Variants in GSE1 observed in about 807,000 individuals in gnomAD.
GSE1 encodes the protein genetic suppressor element 1.
Under a neutral mutation model 112.6 loss-of-function variants are expected in GSE1, and 32 were observed. The observed-to-expected ratio is 0.28, with a 90% CI of 0.21 to 0.38. The LOEUF (loss-of-function observed/expected upper bound fraction) is 0.38. Among genes scored for constraint, GSE1 ranks in the 10% least tolerant of loss-of-function variants. The probability of loss-of-function intolerance (pLI) is 1.00; values close to 1 mark genes in which losing one functional copy is unlikely to be tolerated. For missense variants in GSE1, 2,348 were observed against 1,699.2 expected, an observed-to-expected ratio of 1.38 and a Z score of -6.71; for synonymous variants, 1,115 against 735.6, an observed-to-expected ratio of 1.52 and a Z score of -8.35.
intron 2 of GSE1, among the ~76,000 whole-genome samples, chr16:85,363,592 G>A (rs2047127264): frequency 6.6e-6 from 1 of 152,218 alleles, no homozygotes; most frequent in Admixed American, 6.5e-5. Context: ...CACAGCAGAG[G>A]AAGGAGGGAG....
chr16:85,501,511 CCT>C (rs1273018274), intron 2 of GSE1, among the ~76,000 whole-genome samples: 1 of 151,904 alleles, frequency 6.6e-6, no homozygotes. Context: ...CCCGCCTCAG[CCT>C]CCTAAATAGC....
intron 1 of GSE1, among the ~76,000 whole-genome samples, chr16:85,567,838 T>C (rs1002372912): frequency 6.6e-6 from 1 of 152,258 alleles, no homozygotes; most frequent in Non-Finnish European, 1.5e-5. Flanking sequence ...TCCTCCTGCC[T>C]CAGCCTCCCA....
intron 1 of GSE1, among the ~76,000 whole-genome samples, chr16:85,589,186 G>T (rs570939936): frequency 6.6e-6 from 1 of 152,314 alleles, no homozygotes; most frequent in East Asian, 1.9e-4. Flanking sequence ...TGAAAGGAAC[G>T]TTGGTGACCA....
chr16:85,601,167 G>C (rs1598338105), intron 1 of GSE1, among the ~76,000 whole-genome samples: 1 of 152,068 alleles, frequency 6.6e-6, no homozygotes, highest in Non-Finnish European at 1.5e-5. Flanking sequence ...CGAGTCTAGA[G>C]AGACTGTGAG....
intron 1 of GSE1, among the ~76,000 whole-genome samples, chr16:85,342,315 C>A (rs1411825083): frequency 6.6e-6 from 1 of 152,350 alleles, no homozygotes; most frequent in East Asian, 1.9e-4. Flanking sequence ...GAAGAATTTC[C>A]CTGTAGCTGA....
chr16:85,643,668 T>C (rs955957105), intron 2 of GSE1, among the ~76,000 whole-genome samples: 3 of 152,170 alleles, frequency 2.0e-5, no homozygotes, highest in Non-Finnish European at 2.9e-5. Flanking sequence ...CATCCCCTTA[T>C]GGCATGGGCT....
intron 1 of GSE1, among the ~76,000 whole-genome samples, chr16:85,309,599 C>T (rs142195403): frequency 2.4e-4 from 36 of 152,244 alleles, no homozygotes; most frequent in African/African-American, 8.2e-4. Context: ...CCTCGAGGCA[C>T]GTGGCCCACC....
intron 1 of GSE1, among the ~76,000 whole-genome samples, chr16:85,321,621 G>A (rs1404182810): frequency 6.6e-6 from 1 of 151,882 alleles, no homozygotes; most frequent in East Asian, 1.9e-4. Context: ...GGGTGACAGA[G>A]CAAGAGCCAG....
At chr16:85,256,774 T>C (rs1907130345) in intron 1 of GSE1, among the ~76,000 whole-genome samples, 1 of 152,238 alleles carries the variant, frequency 6.6e-6, no homozygotes, top group Non-Finnish European at 1.5e-5. Context: ...CAGGACACAC[T>C]TGTGGTAAAT....
At position 85,257,681 on chromosome 16, in the gene GSE1, C is replaced by T. The variant is rs182217459; in HGVS notation, c.2283+85874C>T. ...TAAAAATTGGCAGGACGTGGTGGTGCGCACCTGTGGTCCCAGCTACTGGTG... is the reference window on the plus strand; with the variant it reads ...TAAAAATTGGCAGGACGTGGTGGTGTGCACCTGTGGTCCCAGCTACTGGTG... On this transcript the variant is annotated intron_variant, in intron 1 of 2. Transcript: ENST00000637419. Among the ~76,000 whole-genome samples the T allele has an allele frequency of 3.2e-3, 487 of 152,268 alleles. 2 individuals carry two copies. The highest frequency in any genetic ancestry group is 5.4e-3 in the Non-Finnish European group (370 of 68,028).
chr16:85,182,167 C>A (rs1054986413), intron 1 of GSE1, among the ~76,000 whole-genome samples: 1 of 152,178 alleles, frequency 6.6e-6, no homozygotes, highest in Admixed American at 6.5e-5. Context: ...CCCTCCCCGC[C>A]CCCCGCTGCC....
chr16:85,663,622 C>T lies in GSE1; in HGVS notation c.2644+8C>T, dbSNP rs1258384153. On this transcript the variant is annotated splice_region_variant and intron_variant, in intron 11 of 15. Transcript: ENST00000253458. ...GCGCTGAGAAGAGGAAAGGTAGGGC[C>T]TCGCCTGGGTAGGAAGGTGGGGGCT... The T allele has an allele frequency of 1.2e-6, 2 of 1,606,838 alleles. No individual in the cohort carries two copies. Among genetic ancestry groups the T allele is most frequent in the South Asian group, 1.1e-5 (1 of 90,642 alleles).
chr16:85,434,911 C>T (rs1420454206), intron 2 of GSE1, among the ~76,000 whole-genome samples: 2 of 152,214 alleles, frequency 1.3e-5, no homozygotes, highest in Non-Finnish European at 2.9e-5. Context: ...TGGGGTGGGC[C>T]CCTGTGGTCG....
At chr16:85,273,452 G>A (rs1909049704) in intron 1 of GSE1, among the ~76,000 whole-genome samples, 1 of 152,196 alleles carries the variant, frequency 6.6e-6, no homozygotes, top group Non-Finnish European at 1.5e-5. Flanking sequence ...GCCTCTCCAT[G>A]CCGTGGAATA....
chr16:85,472,790 A>G (rs932422468), intron 2 of GSE1, among the ~76,000 whole-genome samples: 2 of 152,168 alleles, frequency 1.3e-5, no homozygotes, highest in African/African-American at 2.4e-5. Flanking sequence ...TCACCATGAC[A>G]TGGATCCAAG....
intron 1 of GSE1, among the ~76,000 whole-genome samples, chr16:85,216,015 T>A (rs2075301941): frequency 6.6e-6 from 1 of 152,168 alleles, no homozygotes; most frequent in Non-Finnish European, 1.5e-5. Context: ...CCTTCAGCCC[T>A]GGGGGTCAGC....
At chr16:85,592,835 A>T (rs1182209646) in intron 1 of GSE1, 2 of 152,330 alleles carry the variant, frequency 1.3e-5, no homozygotes, top group African/African-American at 4.8e-5. Context: ...GACCTTTTGG[A>T]AGGCTTAACT....
At chr16:85,212,191 A>T (rs2075237621) in intron 1 of GSE1, among the ~76,000 whole-genome samples, 1 of 152,310 alleles carries the variant, frequency 6.6e-6, no homozygotes, top group East Asian at 1.9e-4. Flanking sequence ...AGAACACTTG[A>T]GGTCAGGAGA....
At chr16:85,626,150 T>A (rs1368391311) in intron 1 of GSE1, among the ~76,000 whole-genome samples, 1 of 151,478 alleles carries the variant, frequency 6.6e-6, no homozygotes, top group Admixed American at 6.6e-5. Context: ...AAAAAAAAAA[T>A]TAAGGCACAA....
Sources: allele counts gnomAD v4.1 joint callset (sites outside exome capture counted in the v4.1 genomes callset), GRCh38; gene constraint gnomAD v4.1.1; transcripts MANE v1.5; gene names NCBI Gene and HGNC (gene_info 2026-07-23, HGNC 2026-07-21).